ATG13: variants seen among roughly 807,000 people sequenced by gnomAD.
ATG13 encodes the protein autophagy-related protein 13.
ATG13 carries 23 observed loss-of-function variants against 65.5 expected under a neutral mutation model. That is an observed-to-expected ratio of 0.35 (90% CI 0.25 to 0.50). The LOEUF (loss-of-function observed/expected upper bound fraction) is 0.50, where lower values mean the gene tolerates loss of function less well. ATG13 is among the 20% of genes least tolerant of loss of function. The pLI is 0.98. For synonymous variants in ATG13, 252 were observed against 245.2 expected (o/e 1.03, Z -0.26); for missense variants, 566 against 677.0 (o/e 0.84, Z 1.82).
At chr11:46,636,170 T>G (rs2053882797) in intron 2 of ATG13, among the ~76,000 whole-genome samples, 1 of 152,178 alleles carries the variant, frequency 6.6e-6, no homozygotes, top group Non-Finnish European at 1.5e-5. Flanking sequence ...GACTATCCTG[T>G]GGCATCGTAT....
chr11:46,628,622 G>C (rs1385495414), intron 1 of ATG13, among the ~76,000 whole-genome samples: 1 of 151,782 alleles, frequency 6.6e-6, no homozygotes, highest in Non-Finnish European at 1.5e-5. Flanking sequence ...ACTGAATTTG[G>C]GATTCATTTT....
chr11:46,664,524 G>A (rs2061865486), intron 12 of ATG13, among the ~76,000 whole-genome samples: 1 of 152,182 alleles, frequency 6.6e-6, no homozygotes, highest in African/African-American at 2.4e-5. Context: ...TTCTGCGCAG[G>A]CTTGTGCTCC....
intron 1 of ATG13, among the ~76,000 whole-genome samples, chr11:46,625,995 G>C (rs921167881): frequency 6.6e-6 from 1 of 151,934 alleles, no homozygotes; most frequent in Non-Finnish European, 1.5e-5. Flanking sequence ...GGAGTCTGTC[G>C]CCCAGGCTGG....
intron 1 of ATG13, among the ~76,000 whole-genome samples, chr11:46,619,702 A>G (rs920905132): frequency 6.6e-6 from 1 of 151,504 alleles, no homozygotes; most frequent in Non-Finnish European, 1.5e-5. Context: ...TCTTGCTTTT[A>G]ACTGAAGAGT....
intron 7 of ATG13, 108 bp from the exon 8 acceptor site, chr11:46,656,125 C>A: frequency 2.2e-6 from 2 of 909,262 alleles, no homozygotes; most frequent in South Asian, 1.5e-5. Flanking sequence ...GGTATTTGAG[C>A]AGATGAGTAA....
In ATG13 at chr11:46,668,851, G is replaced by C. The variant is rs200676770; in HGVS notation, c.1387G>C (p.Asp463His). The C allele has an allele frequency of 2.8e-5, 46 of 1,614,042 alleles. No homozygotes were observed. Among genetic ancestry groups the C allele is most frequent in the African/African-American group, 1.5e-4 (11 of 75,046 alleles). Residue 463 changes from aspartate (D) to histidine (H), a missense_variant, in exon 17 of 19, where the codon GAT (aspartate) becomes CAT (histidine). Coordinates refer to ENST00000683050, the MANE Select transcript of ATG13 (RefSeq NM_001346311.2). ...TCCTCTCCAGGGCAGCCTGCACTCA[G>C]ATGGCTCCAGCGGGGGCAGCAGTGG... ...ESPLQGSLHS[D>H]GSSGGSSGNT... is the part of the protein sequence containing the mutation.
intron 1 of ATG13, among the ~76,000 whole-genome samples, chr11:46,629,553 C>T (rs1417918163): frequency 3.3e-5 from 5 of 151,450 alleles, no homozygotes; most frequent in African/African-American, 1.2e-4. Context: ...CCCGCCATCA[C>T]GCCCGGCTAA....
intron 5 of ATG13, among the ~76,000 whole-genome samples, chr11:46,647,743 TA>T (rs879627644): frequency 3.4e-3 from 477 of 141,160 alleles, no homozygotes; most frequent in Middle Eastern, 3.7e-3. Flanking sequence ...GGCTAATGTT[TA>T]AAAAAAAAAA....
At chr11:46,619,964 G>A (rs2046897943) in intron 1 of ATG13, among the ~76,000 whole-genome samples, 1 of 149,786 alleles carries the variant, frequency 6.7e-6, no homozygotes, top group Non-Finnish European at 1.5e-5. Flanking sequence ...AGGAGGTGGA[G>A]GTTGCAGTGA....
intron 2 of ATG13, among the ~76,000 whole-genome samples, chr11:46,642,216 A>G (rs1159003927): frequency 6.6e-6 from 1 of 151,352 alleles, no homozygotes; most frequent in African/African-American, 2.4e-5. Flanking sequence ...TCAGTTATCC[A>G]TGTTTAAAAC....
Position 46,657,198 on chromosome 11 carries a change from A to G in ATG13, c.596+7A>G, listed in dbSNP as rs185314227. The G allele has an allele frequency of 1.7e-4, 277 of 1,607,772 alleles. 2 individuals are homozygous for G. In the Admixed American group the frequency reaches 4.5e-3, roughly 26 times the overall value. On this transcript the variant is annotated splice_region_variant and intron_variant, in intron 9 of 18. Coordinates refer to ENST00000683050, the MANE Select transcript of ATG13 (RefSeq NM_001346311.2). Reference sequence around the variant, plus strand: ...TGGCATTCATGTCTACCAGGTGAGGAAGAGCCCTGGAATCCAAAAGAACTC... The same window carrying G: ...TGGCATTCATGTCTACCAGGTGAGGGAGAGCCCTGGAATCCAAAAGAACTC...
At chr11:46,658,843 AAG>A (rs1490203133) in intron 10 of ATG13, among the ~76,000 whole-genome samples, 1 of 151,982 alleles carries the variant, frequency 6.6e-6, no homozygotes, top group African/African-American at 2.4e-5. Context: ...TTTAGAAAAA[AAG>A]AAAAGAAAAG....
intron 3 of ATG13, among the ~76,000 whole-genome samples, chr11:46,644,758 C>T (rs1476859705): frequency 6.6e-6 from 1 of 152,080 alleles, no homozygotes; most frequent in Admixed American, 6.6e-5. Context: ...TTTATATATT[C>T]TTCCCTTCCT....
intron 2 of ATG13, 101 bp from the exon 3 acceptor site, chr11:46,644,178 G>A: frequency 2.3e-6 from 2 of 870,520 alleles, no homozygotes; most frequent in Non-Finnish European, 3.3e-6. Context: ...ACTCCCACAT[G>A]ATTATTCCTA....
At position 46,669,454 on chromosome 11, in the gene ATG13, C is replaced by T; in HGVS notation, c.1497C>T (p.Phe499=). ...TTCTTCCGATGGACCTGGGGACCTT[C>T]TATCGGGAGTTTCAGAACCCACCTC... ...DDILPMDLGT[F]YREFQNPPQL... is the part of the protein sequence containing the mutation. Residue 499 remains phenylalanine, a synonymous_variant, in exon 18 of 19, where the codon TTC becomes TTT. Transcript: ENST00000683050. The T allele has an allele frequency of 6.2e-7, 1 of 1,614,156 alleles. No individual in the cohort carries two copies. Among genetic ancestry groups the T allele is most frequent in the Non-Finnish European group, 8.5e-7 (1 of 1,180,000 alleles).
chr11:46,645,542 C>T (rs2136290271), intron 4 of ATG13, 123 bp downstream of exon 4: 1 of 825,426 alleles, frequency 1.2e-6, no homozygotes, highest in Non-Finnish European at 1.9e-6. Flanking sequence ...TATCTAATTC[C>T]ATTTGATCCA....
intron 7 of ATG13, among the ~76,000 whole-genome samples, chr11:46,654,080 C>T (rs931418765): frequency 3.3e-5 from 5 of 150,048 alleles, no homozygotes; most frequent in Admixed American, 3.3e-4. Context: ...AATAGTCTTA[C>T]CTAGTTCATT....
intron 13 of ATG13, 102 bp from the exon 14 acceptor site, chr11:46,665,281 G>A (rs939439478): frequency 7.0e-7 from 1 of 1,430,228 alleles, no homozygotes. Flanking sequence ...GGCAGCGTTG[G>A]TGATGGAAAA....
chr11:46,640,434 A>G (rs1367582847), intron 2 of ATG13, among the ~76,000 whole-genome samples: 1 of 152,242 alleles, frequency 6.6e-6, no homozygotes, highest in East Asian at 1.9e-4. Context: ...AAGTACTTGT[A>G]TCCAGAATAT....
Sources: gnomAD v4.1 joint callset for allele counts (sites outside exome capture counted in the v4.1 genomes callset) on GRCh38, gnomAD v4.1.1 for gene constraint, MANE v1.5 for transcripts, NCBI Gene and HGNC (gene_info 2026-07-23, HGNC 2026-07-21) for gene names.